SCN2B: variants seen among roughly 807,000 people sequenced by gnomAD.
SCN2B encodes sodium channel regulatory subunit beta-2.
SCN2B carries 14 observed loss-of-function variants against 18.2 expected under a neutral mutation model. The observed-to-expected ratio is 0.77, with a 90% confidence interval of 0.51 to 1.21. The LOEUF is 1.21. SCN2B is among the 50% of genes most tolerant of loss of function. The probability of loss-of-function intolerance (pLI) is 0.00; values close to 1 mark genes in which losing one functional copy is unlikely to be tolerated. For synonymous variants in SCN2B, 115 were observed against 115.3 expected (o/e 1.00, Z 0.02); for missense variants, 262 against 286.9 (o/e 0.91, Z 0.63).
Position 118,167,015 on chromosome 11 carries a change from T to C in SCN2B, c.520A>G (p.Ile174Val), listed in dbSNP as rs1948389477. 6.2e-7 allele frequency: 1 copy of C among 1,613,874 alleles called. No homozygotes were observed. The highest frequency in any genetic ancestry group is 1.3e-5 in the African/African-American group (1 of 74,918). ...CACTTGACCACCATCAGCACCAAGA[T>C]GACCACAGCCAGGAAGCCCCCGACG... ...ASVGGFLAVV[I>V]LVLMVVKCVR... The change falls in exon 4 of 4, where the codon ATC becomes GTC. Residue 174 changes from isoleucine to valine, a missense_variant. Coordinates refer to ENST00000278947, the MANE Select transcript of SCN2B (RefSeq NM_004588.5).
intron 1 of SCN2B, among the ~76,000 whole-genome samples, chr11:118,169,737 G>C (rs1214267903): frequency 6.6e-6 from 1 of 152,178 alleles, no homozygotes; most frequent in African/African-American, 2.4e-5. Context: ...GGGAGCTGCT[G>C]GTTCTGCAGA....
chr11:118,168,687 G>T lies in SCN2B; in HGVS notation c.135C>A (p.Asp45Glu). The change falls in exon 2 of 4, where the codon GAC (aspartate) becomes GAA (glutamate). Residue 45 changes from aspartate to glutamate, a missense_variant. Physicochemically the swap from Asp to Glu is conservative, Grantham distance 45 (BLOSUM62 2). Transcript: ENST00000278947. The surrounding 1 kb of genome is among the most constrained non-coding windows in gnomAD (Gnocchi z 4.7). ...AGTTGAAGGTGCAGGGCAGGCGGGCGTCAGAGCCATTGAGGACGTTGAGGG... is the reference window on the plus strand; with the variant it reads ...AGTTGAAGGTGCAGGGCAGGCGGGCTTCAGAGCCATTGAGGACGTTGAGGG... ...PATLNVLNGS[D>E]ARLPCTFNSC... is the part of the protein sequence containing the mutation. 6.2e-7 allele frequency: 1 copy of T among 1,614,208 alleles called. No individual in the cohort carries two copies. Among genetic ancestry groups the T allele is most frequent in the Non-Finnish European group, 8.5e-7 (1 of 1,180,022 alleles).
At chr11:118,169,571 A>C (rs1039796868) in intron 1 of SCN2B, among the ~76,000 whole-genome samples, 3 of 152,194 alleles carry the variant, frequency 2.0e-5, no homozygotes, top group Admixed American at 2.0e-4. Context: ...GCAACAGACA[A>C]GAAAGAGGGC....
rs754093340 is a variant in SCN2B, at chr11:118,168,322, G to A, written c.238-27C>T. ...TGGGGTTGGAGCAAGGGACAGGATG[G>A]GTGGCTGGATGAGCAAGGAACTACA... On this transcript the variant is annotated intron_variant, in intron 2 of 3. Transcript: ENST00000278947. The surrounding 1 kb of genome is among the most constrained non-coding windows in gnomAD (Gnocchi z 4.7). 6.3e-7 allele frequency: 1 copy of A among 1,596,850 alleles called. No homozygotes were observed. Among genetic ancestry groups the A allele is most frequent in the Non-Finnish European group, 8.6e-7 (1 of 1,164,486 alleles).
At position 118,165,288 on chromosome 11, in the gene SCN2B, T is replaced by C. The variant is rs583581; in HGVS notation, c.*1599A>G. ...GGGCAGGACCCTCAGTTTCTGTCAGTTGGAACCTCAGTTTCCCCATTTTAA... is the reference window on the plus strand; with the variant it reads ...GGGCAGGACCCTCAGTTTCTGTCAGCTGGAACCTCAGTTTCCCCATTTTAA... On this transcript the variant is annotated 3_prime_UTR_variant, in exon 4 of 4. Transcript: ENST00000278947. The C allele has an allele frequency of 0.11, 17,044 of 152,594 alleles. 3,157 individuals carry two copies. Among genetic ancestry groups the C allele is most frequent in the African/African-American group, 0.38 (15,945 of 41,460 alleles). The allele number at this position is 152,594 out of a possible 1,614,324, so 9.5% of individuals were successfully genotyped here.
chr11:118,163,645 AAGAGAC>A lies in SCN2B; in HGVS notation c.*3236_*3241del, dbSNP rs1390755111. On this transcript the variant is annotated 3_prime_UTR_variant, in exon 4 of 4. Transcript: ENST00000278947. ...TTTGCAGTGGCCCTTAATTAGGAGG[AAGAGAC>A]AGATGGGGGGTGGGGGCAGAGGGAG... is the stretch of plus-strand genomic sequence containing the variant. The A allele has an allele frequency of 2.0e-5, 3 of 152,534 alleles. No homozygotes were observed. Among genetic ancestry groups the A allele is most frequent in the African/African-American group, 7.3e-5 (3 of 41,374 alleles). The allele number at this position is 152,534 out of a possible 1,614,324, so 9.4% of individuals were successfully genotyped here.
Position 118,167,031 on chromosome 11 carries a change from GC to G in SCN2B, c.503del (p.Gly168AlafsTer10), listed in dbSNP as rs1565462817. Reference protein sequence around the residue: ...VAVIVGASVGGFLAVVILVLM... With the variant: ...VAVIVGASVGXFLAVVILVLM... ...GCACCAAGATGACCACAGCCAGGAA[GC>G]CCCCGACGGAGGCACCCACAATCAC... On this transcript the variant is annotated frameshift_variant, in exon 4 of 4. Transcript: ENST00000278947. LOFTEE classifies it high-confidence loss of function. 3.1e-6 allele frequency: 5 copies of G among 1,613,720 alleles called. No homozygotes were observed. Among genetic ancestry groups the G allele is most frequent in the Non-Finnish European group, 3.4e-6 (4 of 1,180,038 alleles).
chr11:118,168,457 A>G lies in SCN2B; in HGVS notation c.237+128T>C. 1 of 1,368,276 alleles carries G rather than the reference A, an allele frequency of 7.3e-7. No homozygotes were observed. Among genetic ancestry groups the G allele is most frequent in the East Asian group, 2.3e-5 (1 of 43,640 alleles). The allele number at this position is 1,368,276 out of a possible 1,614,324, so 84.8% of individuals were successfully genotyped here. A position where few individuals can be genotyped will look rare whatever the true frequency, so the allele number is the denominator to read the frequency against. On this transcript the variant is annotated intron_variant, in intron 2 of 3. Coordinates refer to ENST00000278947, the MANE Select transcript of SCN2B (RefSeq NM_004588.5). The surrounding 1 kb of genome is among the most constrained non-coding windows in gnomAD (Gnocchi z 4.7). The stretch of plus-strand genomic sequence containing the variant: ...AGCACACCTTGTTTCAAGAGCCTCC[A>G]GAGCACGCAGCCCACCCAGGGTCCT...
chr11:118,166,325 G>A lies in SCN2B; in HGVS notation c.*562C>T, dbSNP rs528868573. On this transcript the variant is annotated 3_prime_UTR_variant, in exon 4 of 4. Transcript: ENST00000278947. ...GCTTTGCCTGCAGCCCTGGCTTTCC[G>A]TCAGTGCCCTGGAATGCACAGTCAT... 40 of 167,274 alleles carry A rather than the reference G, an allele frequency of 2.4e-4. No homozygotes were observed. In the South Asian group the frequency reaches 5.4e-3, roughly 23 times the overall value. 10.4% of individuals were successfully genotyped at this position (167,274 alleles called of 1,614,324 possible).
In SCN2B at chr11:118,172,046, G is replaced by A. The variant is rs1032851496; in HGVS notation, c.71-3295C>T. On this transcript the variant is annotated intron_variant, in intron 1 of 3. Transcript: ENST00000278947. ...TCACCAGAATCCCAGCAGCTCTAGGGTGCTGGCCTCAGACCTCCCGCCAGT... is the reference window on the plus strand; with the variant it reads ...TCACCAGAATCCCAGCAGCTCTAGGATGCTGGCCTCAGACCTCCCGCCAGT... Among the ~76,000 whole-genome samples the A allele has an allele frequency of 4.6e-5, 7 of 152,190 alleles. 1 individual carries two copies. Among genetic ancestry groups the A allele is most frequent in the Admixed American group, 4.6e-4 (7 of 15,284 alleles).
intron 1 of SCN2B, among the ~76,000 whole-genome samples, chr11:118,172,209 A>G (rs775203354): frequency 1.3e-5 from 2 of 152,260 alleles, no homozygotes; most frequent in Non-Finnish European, 2.9e-5. Context: ...GGACTTCATC[A>G]CAGCCACAAA....
intron 1 of SCN2B, among the ~76,000 whole-genome samples, chr11:118,175,681 C>T (rs1479196041): frequency 6.6e-6 from 1 of 152,190 alleles, no homozygotes; most frequent in Non-Finnish European, 1.5e-5. Flanking sequence ...TAAAGGGCTG[C>T]AACCTCGCTC....
chr11:118,170,584 G>A (rs1436961143), intron 1 of SCN2B, among the ~76,000 whole-genome samples: 2 of 152,072 alleles, frequency 1.3e-5, no homozygotes, highest in Non-Finnish European at 2.9e-5. Flanking sequence ...TGGGGAGTAT[G>A]GGGGCTGCTG....
chr11:118,168,214 T>G lies in SCN2B; in HGVS notation c.319A>C (p.Lys107Gln). 1 of 1,614,178 alleles carries G rather than the reference T, an allele frequency of 6.2e-7. No individual in the cohort carries two copies. Among genetic ancestry groups the G allele is most frequent in the Non-Finnish European group, 8.5e-7 (1 of 1,180,018 alleles). The change falls in exon 3 of 4, where the codon AAG becomes CAG. Residue 107 changes from lysine (K) to glutamine (Q), a missense_variant. By Grantham distance (53) the Lys-to-Gln change is moderately conservative (BLOSUM62 1). Transcript: ENST00000278947. This position sits in a 1 kb window ranked among gnomAD's most constrained non-coding sequence, Gnocchi z 4.7. Reference protein sequence around the residue: ...DRVEFSGNPSKYDVSVMLRNV... With the variant: ...DRVEFSGNPSQYDVSVMLRNV... ...CTCAGCATCACCGACACATCGTACT[T>G]GCTGGGGTTCCCTGAGAACTCCACG...
chr11:118,167,823 C>T (rs1948396871), intron 3 of SCN2B, among the ~76,000 whole-genome samples: 3 of 152,220 alleles, frequency 2.0e-5, no homozygotes, highest in African/African-American at 7.2e-5. Flanking sequence ...TCCCAAAGCG[C>T]TGTGATTACA....
chr11:118,167,670 C>T (rs1857990782), intron 3 of SCN2B, among the ~76,000 whole-genome samples: 1 of 152,188 alleles, frequency 6.6e-6, no homozygotes, highest in Non-Finnish European at 1.5e-5. Flanking sequence ...GATCCTCTCA[C>T]CTCAGCCTCC....
intron 1 of SCN2B, among the ~76,000 whole-genome samples, chr11:118,170,574 T>C (rs1948423016): frequency 6.6e-6 from 1 of 151,860 alleles, no homozygotes; most frequent in East Asian, 1.9e-4. Flanking sequence ...CCTGCAGGGT[T>C]GGGGAGTATG....
Position 118,166,372 on chromosome 11 carries a change from G to A in SCN2B, c.*515C>T, listed in dbSNP as rs1236283315. On this transcript the variant is annotated 3_prime_UTR_variant, in exon 4 of 4. Transcript: ENST00000278947. ...TCATCCCTTTAACATGCCCCTCCAA[G>A]TTTCAGGAACTCATCGTCACCTCCA... The A allele has an allele frequency of 5.7e-6, 1 of 176,320 alleles. No homozygotes were observed. The highest frequency in any genetic ancestry group is 1.2e-5 in the Non-Finnish European group (1 of 81,960). The allele number at this position is 176,320 out of a possible 1,614,324, so 10.9% of individuals were successfully genotyped here.
intron 1 of SCN2B, among the ~76,000 whole-genome samples, chr11:118,169,063 TC>T (rs965166520): frequency 6.6e-6 from 1 of 152,046 alleles, no homozygotes; most frequent in African/African-American, 2.4e-5. Flanking sequence ...GAATTGGACT[TC>T]GTTCTTCCTG....
Sources: allele counts gnomAD v4.1 joint callset (sites outside exome capture counted in the v4.1 genomes callset), GRCh38; gene constraint gnomAD v4.1.1; non-coding constraint Gnocchi (gnomAD v3.1); transcripts MANE v1.5; gene names NCBI Gene and HGNC (gene_info 2026-07-23, HGNC 2026-07-21).